TRMT9B: variants seen among roughly 807,000 people sequenced by gnomAD.
TRMT9B encodes tRNA methyltransferase 9B (putative), also known as probable tRNA methyltransferase 9B.
A neutral mutation model predicts 11.5 loss-of-function variants in TRMT9B; 16 were observed. The ratio of observed to expected loss-of-function variants is 1.39; its 90% CI spans 0.94 to 2.11. The LOEUF is 2.11. Ranked by LOEUF, TRMT9B falls within the 30% of genes most tolerant of loss-of-function variation. The probability of loss-of-function intolerance (pLI) is 0.00; values close to 1 mark genes in which losing one functional copy is unlikely to be tolerated. For missense variants in TRMT9B, 941 were observed against 553.8 expected (o/e 1.70, Z -7.02); for synonymous variants, 274 against 192.4 (o/e 1.42, Z -3.51).
chr8:13,012,677 C>A lies in TRMT9B; in HGVS notation c.155-7C>A. 1.2e-6 allele frequency: 2 copies of A among 1,609,446 alleles called. No homozygotes were observed. The highest frequency in any genetic ancestry group is 2.2e-5 in the South Asian group (2 of 90,432). ...GATAGCATGTAACGCAGGTTTTTCT[C>A]TTATAGGTTGTGGGACTGGAAAATA... is the stretch of plus-strand genomic sequence containing the variant. On this transcript the variant is annotated splice_region_variant and splice_polypyrimidine_tract_variant and intron_variant, in intron 3 of 4. Transcript: ENST00000524591.
intron 4 of TRMT9B, among the ~76,000 whole-genome samples, chr8:13,019,410 G>A (rs113547719): frequency 2.6e-5 from 4 of 152,252 alleles, no homozygotes; most frequent in African/African-American, 9.6e-5. Context: ...TCCCACTTCA[G>A]CCTCCTGAGT....
At chr8:13,012,990 G>A (rs868648812) in intron 4 of TRMT9B, 133 bp downstream of exon 4, 10 of 1,159,228 alleles carry the variant, frequency 8.6e-6, no homozygotes, top group Middle Eastern at 3.1e-4. Flanking sequence ...TAAAAAAATT[G>A]TTTCAACTAC....
intron 1 of TRMT9B, among the ~76,000 whole-genome samples, chr8:12,976,753 G>A (rs781351812): frequency 3.0e-4 from 45 of 152,328 alleles, no homozygotes; most frequent in African/African-American, 7.7e-4. Flanking sequence ...GGTTAGCACT[G>A]ACAGGATTAC....
chr8:13,011,900 G>C (rs1811675655), intron 3 of TRMT9B: 1 of 984,870 alleles, frequency 1.0e-6, no homozygotes, highest in African/African-American at 1.7e-5. Flanking sequence ...GCATGTTTTA[G>C]TGTATAAATA....
chr8:13,014,545 G>C (rs1175349237), intron 4 of TRMT9B, among the ~76,000 whole-genome samples: 3 of 152,032 alleles, frequency 2.0e-5, no homozygotes, highest in African/African-American at 7.3e-5. Flanking sequence ...CCCATAATGG[G>C]GGCCCCACTC....
In TRMT9B at chr8:12,988,632, C is replaced by G. The variant is rs145801001; in HGVS notation, c.-199-2202C>G. Among the ~76,000 whole-genome samples the G allele has an allele frequency of 4.2e-3, 639 of 152,238 alleles. 3 individuals are homozygous for G. Among genetic ancestry groups the G allele is most frequent in the African/African-American group, 0.015 (608 of 41,532 alleles). On this transcript the variant is annotated intron_variant, in intron 1 of 4. Coordinates refer to ENST00000524591, the MANE Select transcript of TRMT9B (RefSeq NM_020844.3). ...GGAAAAAATTCCCTTATAAAACCATCAGATCTCTTGAGAACTCACTCACTA... is the reference window on the plus strand; with the variant it reads ...GGAAAAAATTCCCTTATAAAACCATGAGATCTCTTGAGAACTCACTCACTA...
At chr8:12,988,247 G>A (rs2954177) in intron 1 of TRMT9B, among the ~76,000 whole-genome samples, 7 of 152,052 alleles carry the variant, frequency 4.6e-5, no homozygotes, top group Non-Finnish European at 8.8e-5. Flanking sequence ...TGGATCAGTC[G>A]CCTATGTGCT....
At chr8:12,947,465 G>A (rs1800321134) in intron 1 of TRMT9B, among the ~76,000 whole-genome samples, 1 of 152,158 alleles carries the variant, frequency 6.6e-6, no homozygotes, top group Admixed American at 6.5e-5. Context: ...CTAATAATAG[G>A]TAAGCACCCT....
chr8:13,012,967 A>G (rs1188542061), intron 4 of TRMT9B, 110 bp downstream of exon 4: 6 of 1,267,336 alleles, frequency 4.7e-6, no homozygotes, highest in Non-Finnish European at 6.1e-6. Flanking sequence ...AATGTAATTT[A>G]TTTTATCTAA....
chr8:12,965,041 A>C (rs1050335815), intron 1 of TRMT9B, among the ~76,000 whole-genome samples: 8 of 152,240 alleles, frequency 5.3e-5, no homozygotes, highest in African/African-American at 1.9e-4. Context: ...CACTAGAAGA[A>C]GTACAATTTG....
chr8:13,014,935 C>A (rs1343735506), intron 4 of TRMT9B, among the ~76,000 whole-genome samples: 3 of 152,010 alleles, frequency 2.0e-5, no homozygotes, highest in Non-Finnish European at 1.5e-5. Context: ...GTGGTGAGCA[C>A]TTGTAATCCC....
At chr8:13,006,697 T>A (rs1810541884) in intron 3 of TRMT9B, 8 of 1,296,498 alleles carry the variant, frequency 6.2e-6, no homozygotes, top group Non-Finnish European at 7.9e-6. Context: ...AGATGGAGTT[T>A]CACTCTTGTC....
At chr8:12,959,309 A>T (rs2128861326) in intron 1 of TRMT9B, among the ~76,000 whole-genome samples, 1 of 152,318 alleles carries the variant, frequency 6.6e-6, no homozygotes, top group East Asian at 1.9e-4. Flanking sequence ...CACTTGACAG[A>T]TTGCGGTCAA....
chr8:12,968,168 A>C (rs894761763), intron 1 of TRMT9B, among the ~76,000 whole-genome samples: 2 of 152,234 alleles, frequency 1.3e-5, no homozygotes, highest in Non-Finnish European at 2.9e-5. Flanking sequence ...TACAGACATG[A>C]GCCACCACCT....
At position 13,023,159 on chromosome 8, in the gene TRMT9B, A is replaced by C. The variant is rs1246464965; in HGVS notation, c.*1115A>C. On this transcript the variant is annotated 3_prime_UTR_variant, in exon 5 of 5. Transcript: ENST00000524591. ...AGCAAGATTGTTATCAATCATGCTT[A>C]TTAGAAGGATGAATATCCAAGACCA... The C allele has an allele frequency of 6.0e-6, 1 of 167,130 alleles. No individual in the cohort carries two copies. Among genetic ancestry groups the C allele is most frequent in the Non-Finnish European group, 1.5e-5 (1 of 68,136 alleles). 10.4% of individuals were successfully genotyped at this position (167,130 alleles called of 1,614,324 possible).
At position 13,028,683 on chromosome 8, in the gene TRMT9B, C is replaced by G. The variant is rs1232407240; in HGVS notation, c.*6639C>G. ...CTCTGCCTCCCAGGTTTAAGCAATT[C>G]TCGTGCCTCAGCCTCCTGAATAGCT... On this transcript the variant is annotated 3_prime_UTR_variant, in exon 5 of 5. Coordinates refer to ENST00000524591, the MANE Select transcript of TRMT9B (RefSeq NM_020844.3). The G allele has an allele frequency of 2.7e-5, 4 of 149,394 alleles. No homozygotes were observed. Among genetic ancestry groups the G allele is most frequent in the African/African-American group, 7.5e-5 (3 of 40,150 alleles). The allele number at this position is 149,394 out of a possible 1,614,324, so 9.3% of individuals were successfully genotyped here. A position where few individuals can be genotyped will look rare whatever the true frequency, so the allele number is the denominator to read the frequency against.
chr8:12,958,703 G>A (rs1801632671), intron 1 of TRMT9B: 1 of 152,200 alleles, frequency 6.6e-6, no homozygotes, highest in South Asian at 2.1e-4. Flanking sequence ...CAAAGAACCA[G>A]CATGAGATTG....
At chr8:12,993,395 T>C (rs1807727398) in intron 2 of TRMT9B, among the ~76,000 whole-genome samples, 1 of 152,230 alleles carries the variant, frequency 6.6e-6, no homozygotes, top group Admixed American at 6.5e-5. Flanking sequence ...ACATGTGCTA[T>C]GTGGTTTACG....
At chr8:12,993,298 C>A (rs1200998652) in intron 2 of TRMT9B, among the ~76,000 whole-genome samples, 2 of 152,194 alleles carry the variant, frequency 1.3e-5, no homozygotes, top group African/African-American at 4.8e-5. Flanking sequence ...ATTAACCCTG[C>A]ACTGCCATGA....
Sources: allele counts gnomAD v4.1 joint callset (sites outside exome capture counted in the v4.1 genomes callset), GRCh38; gene constraint gnomAD v4.1.1; transcripts MANE v1.5; gene names NCBI Gene and HGNC (gene_info 2026-07-23, HGNC 2026-07-21).